The following CDH2 variants were observed in gnomAD, a reference collection of about 807,000 sequenced individuals.
The protein encoded by CDH2 is cadherin-2.
In CDH2, 17 loss-of-function variants were observed where a neutral mutation model predicts 92.0. The ratio of observed to expected loss-of-function variants is 0.18; its 90% CI spans 0.13 to 0.28. CDH2 has a LOEUF of 0.28. Ranked by LOEUF, CDH2 falls within the 10% of genes least tolerant of loss-of-function variation. The pLI is 1.00. For synonymous variants in CDH2, 419 were observed against 415.9 expected (o/e 1.01, Z -0.09); for missense variants, 862 against 1,133.1 (o/e 0.76, Z 3.44).
At chr18:28,061,892 A>G (rs1017057995) in intron 2 of CDH2, among the ~76,000 whole-genome samples, 2 of 152,144 alleles carry the variant, frequency 1.3e-5, no homozygotes, top group African/African-American at 4.8e-5. Context: ...CTGCCCCATG[A>G]TTCAATTACC....
chr18:28,114,672 C>T (rs1329947050), intron 2 of CDH2, among the ~76,000 whole-genome samples: 1 of 151,944 alleles, frequency 6.6e-6, no homozygotes, highest in Non-Finnish European at 1.5e-5. Flanking sequence ...AGCTGTAGTT[C>T]AAAGTTGACG....
chr18:28,007,165 A>AAAAAAAAATATAT (rs1172779200), intron 5 of CDH2, among the ~76,000 whole-genome samples: 1 of 110,500 alleles, frequency 9.0e-6, no homozygotes, highest in African/African-American at 4.4e-5. Context: ...ATAAAAAAAA[A>AAAAAAAAATATAT]ATATATATAT....
chr18:27,963,814 C>T (rs2011470988), intron 14 of CDH2: 1 of 300,256 alleles, frequency 3.3e-6, no homozygotes. Flanking sequence ...AACTAAAAAA[C>T]CGACTAGACA....
At chr18:28,029,071 T>C (rs2013628610) in intron 2 of CDH2, among the ~76,000 whole-genome samples, 1 of 152,134 alleles carries the variant, frequency 6.6e-6, no homozygotes, top group Non-Finnish European at 1.5e-5. Flanking sequence ...AGTTCACTAC[T>C]TTCCAACTTT....
rs182628340 is a variant in CDH2 at position 28,121,065 on chromosome 18, G to A, written c.172+26608C>T. On this transcript the variant is annotated intron_variant, in intron 2 of 15. Transcript: ENST00000269141. ...GTGAAACACTAATGTTATTCTGTGC[G>A]GTTTCACATTAAGTATCCAGTGCTT... Among the ~76,000 whole-genome samples, 6 of 152,136 alleles carry A rather than the reference G, an allele frequency of 3.9e-5. No individual in the cohort carries two copies. The East Asian group carries it at 5.8e-4, about 15-fold the overall frequency.
intron 5 of CDH2, among the ~76,000 whole-genome samples, chr18:28,007,874 C>T (rs17522499): frequency 2.0e-5 from 3 of 152,098 alleles, no homozygotes; most frequent in Admixed American, 2.0e-4. Context: ...GGATTACAGG[C>T]GTGCACCACT....
chr18:27,955,516 T>C (rs1339363854), intron 15 of CDH2, among the ~76,000 whole-genome samples: 1 of 151,454 alleles, frequency 6.6e-6, no homozygotes, highest in East Asian at 1.9e-4. Flanking sequence ...CTGTGTTTAC[T>C]ATGTCCAGGG....
chr18:28,158,216 A>G (rs905660317), intron 1 of CDH2, among the ~76,000 whole-genome samples: 1 of 152,220 alleles, frequency 6.6e-6, no homozygotes, highest in African/African-American at 2.4e-5. Context: ...AACAACATTC[A>G]AGGCACAGCT....
chr18:28,137,950 T>C (rs1344204157), intron 2 of CDH2, among the ~76,000 whole-genome samples: 1 of 152,042 alleles, frequency 6.6e-6, no homozygotes, highest in Admixed American at 6.6e-5. Context: ...TAAAATATAG[T>C]CTTAACATGT....
rs373191521 is a variant in CDH2 at position 27,991,122 on chromosome 18, T to C, written c.1345-772A>G. 6.6e-5 allele frequency among the ~76,000 whole-genome samples: 10 copies of C among 152,304 alleles called. No individual in the cohort carries two copies. The South Asian group carries it at 1.0e-3, about 16-fold the overall frequency. On this transcript the variant is annotated intron_variant, in intron 9 of 15. Coordinates refer to ENST00000269141, the MANE Select transcript of CDH2 (RefSeq NM_001792.5). ...AAAGTTCACTGAATCTTGCTGTCAC[T>C]AGAAATATTACCAGGAGTCAAATGA...
intron 2 of CDH2, among the ~76,000 whole-genome samples, chr18:28,021,844 A>G (rs2013418279): frequency 6.6e-6 from 1 of 152,076 alleles, no homozygotes; most frequent in South Asian, 2.1e-4. Flanking sequence ...GAACACTCAA[A>G]TATTTTCATG....
intron 7 of CDH2, among the ~76,000 whole-genome samples, chr18:28,000,949 C>T (rs2012747111): frequency 6.6e-6 from 1 of 151,962 alleles, no homozygotes; most frequent in Non-Finnish European, 1.5e-5. Context: ...AGTAATTTAT[C>T]CCTGGCCTCA....
rs1386798655 is a variant in CDH2 at position 28,009,799 on chromosome 18, G to T, written c.620C>A (p.Thr207Asn). Residue 207 changes from threonine (T) to asparagine (N), a missense_variant, in exon 5 of 16, where the codon ACT (threonine) becomes AAT (asparagine). By Grantham distance (65) the Thr-to-Asn change is moderately conservative (BLOSUM62 0). Coordinates refer to ENST00000269141, the MANE Select transcript of CDH2 (RefSeq NM_001792.5). The stretch of plus-strand genomic sequence containing the variant: ...GATGGGGTTGATAATGAAGATACCA[G>T]TTGGAGGCTGGTCAGCTCCTGGCCC... ...VTGPGADQPP[T>N]GIFIINPISG... is the part of the protein sequence containing the mutation. 6.2e-7 allele frequency: 1 copy of T among 1,614,030 alleles called. No individual in the cohort carries two copies. Among genetic ancestry groups the T allele is most frequent in the Admixed American group, 1.7e-5 (1 of 60,008 alleles).
At chr18:28,160,178 G>C (rs17446980) in intron 1 of CDH2, among the ~76,000 whole-genome samples, 73,806 of 151,586 alleles carry the variant, frequency 0.49, 19,821 homozygotes, top group Middle Eastern at 0.73. Context: ...AAAAACAGCA[G>C]GACCTCAGGA....
At chr18:28,069,981 A>G (rs573046971) in intron 2 of CDH2, among the ~76,000 whole-genome samples, 11 of 152,268 alleles carry the variant, frequency 7.2e-5, no homozygotes, top group Non-Finnish European at 4.4e-5. Flanking sequence ...CCTCCAGTGT[A>G]TCGACCTCCA....
chr18:27,936,207 T>A (rs1469711436), intron 6 of CDH2, among the ~76,000 whole-genome samples: 3 of 152,214 alleles, frequency 2.0e-5, no homozygotes, highest in Non-Finnish European at 4.4e-5. Flanking sequence ...ACATTTACAT[T>A]CTACAAAGGT....
intron 2 of CDH2, among the ~76,000 whole-genome samples, chr18:28,028,148 A>G (rs2013606958): frequency 6.6e-6 from 1 of 152,088 alleles, no homozygotes; most frequent in Non-Finnish European, 1.5e-5. Context: ...ATTTTCAAAG[A>G]TAACACTCTA....
chr18:27,996,996 T>C (rs1218740240), intron 7 of CDH2, among the ~76,000 whole-genome samples: 1 of 152,266 alleles, frequency 6.6e-6, no homozygotes, highest in Non-Finnish European at 1.5e-5. Context: ...CCTATTTATA[T>C]TGACATTAAT....
chr18:28,122,080 C>G (rs1046692412), intron 2 of CDH2, among the ~76,000 whole-genome samples: 7 of 152,016 alleles, frequency 4.6e-5, no homozygotes, highest in Admixed American at 6.6e-5. Context: ...TATTCAAAAC[C>G]TTGAAAGTTT....
Sources: allele counts gnomAD v4.1 joint callset (sites outside exome capture counted in the v4.1 genomes callset), GRCh38; gene constraint gnomAD v4.1.1; transcripts MANE v1.5; gene names NCBI Gene and HGNC (gene_info 2026-07-23, HGNC 2026-07-21).